SFXN1: variants seen among roughly 807,000 people sequenced by gnomAD.
SFXN1 encodes the protein sideroflexin 1, also known as sideroflexin-1.
SFXN1 carries 32 observed loss-of-function variants against 39.5 expected under a neutral mutation model. The ratio of observed to expected loss-of-function variants is 0.81; its 90% CI spans 0.61 to 1.09. The LOEUF is 1.09. SFXN1 is among the 50% of genes least tolerant of loss of function. The pLI, the probability that SFXN1 is intolerant of heterozygous loss-of-function variation, is 0.00. For synonymous variants in SFXN1, 136 were observed against 146.5 expected (o/e 0.93, Z 0.52); for missense variants, 402 against 407.1 (o/e 0.99, Z 0.11).
Position 175,510,111 on chromosome 5 carries a change from C to G in SFXN1, c.338C>G (p.Thr113Ser). The G allele has an allele frequency of 6.2e-7, 1 of 1,610,238 alleles. No homozygotes were observed. Among genetic ancestry groups the G allele is most frequent in the Non-Finnish European group, 8.5e-7 (1 of 1,178,082 alleles). ...TGTGACGGATGCCTCTGTTTTAGGA[C>G]TACGCCGGCTGTGCTGTTCTGGCAG... ...ITGCMMTFYR[T>S]TPAVLFWQWI... The change falls in exon 4 of 11, where the codon ACT (threonine) becomes AGT (serine). Residue 113 changes from threonine to serine, a missense_variant and splice_region_variant. Thr to Ser is a moderately conservative substitution (Grantham distance 58, BLOSUM62 1). Coordinates refer to ENST00000321442, the MANE Select transcript of SFXN1 (RefSeq NM_022754.7).
At chr5:175,499,026 G>C (rs1348968021) in intron 2 of SFXN1, among the ~76,000 whole-genome samples, 1 of 152,032 alleles carries the variant, frequency 6.6e-6, no homozygotes, top group East Asian at 1.9e-4. Context: ...AGGCTGAGGC[G>C]GGCAAATCAC....
chr5:175,498,787 A>C (rs906724037), intron 2 of SFXN1, among the ~76,000 whole-genome samples: 4 of 152,206 alleles, frequency 2.6e-5, no homozygotes, highest in African/African-American at 9.6e-5. Flanking sequence ...TATATAGGTT[A>C]CCAAAATTGA....
At chr5:175,489,396 T>TC (rs1355781835) in intron 1 of SFXN1, among the ~76,000 whole-genome samples, 4 of 152,176 alleles carry the variant, frequency 2.6e-5, no homozygotes, top group Non-Finnish European at 4.4e-5. Flanking sequence ...CTGCTTGAAT[T>TC]CCCCTGCACG....
At chr5:175,522,541 G>T in intron 10 of SFXN1, 119 bp downstream of exon 10, 1 of 983,096 alleles carries the variant, frequency 1.0e-6, no homozygotes, top group Non-Finnish European at 1.5e-6. Context: ...AGATACTGAA[G>T]CCAGGGTCTC....
intron 2 of SFXN1, among the ~76,000 whole-genome samples, chr5:175,505,571 A>AATAATAATAATAATT (rs1365757735): frequency 2.6e-4 from 35 of 135,722 alleles, no homozygotes; most frequent in Non-Finnish European, 4.2e-4. Flanking sequence ...TAATAATAAT[A>AATAATAATAATAATT]ATTCTAAGGT....
At position 175,485,793 on chromosome 5, in the gene SFXN1, G is replaced by A. The variant is rs13190606; in HGVS notation, c.-9-6302G>A. On this transcript the variant is annotated intron_variant, in intron 1 of 10. Coordinates refer to ENST00000321442, the MANE Select transcript of SFXN1 (RefSeq NM_022754.7). Reference sequence around the variant, plus strand: ...GGATTTCGGTGGGTTTAACTGGAGTGTGCAGATAAGTAGTTGGCGTCAAGA... The same window carrying A: ...GGATTTCGGTGGGTTTAACTGGAGTATGCAGATAAGTAGTTGGCGTCAAGA... Among the ~76,000 whole-genome samples the A allele has an allele frequency of 8.2e-3, 1,250 of 152,302 alleles. 10 individuals carry two copies. Among genetic ancestry groups the A allele is most frequent in the Middle Eastern group, 0.01 (3 of 294 alleles).
At chr5:175,513,894 T>A (rs909110449) in intron 7 of SFXN1, among the ~76,000 whole-genome samples, 30 of 151,536 alleles carry the variant, frequency 2.0e-4, no homozygotes, top group African/African-American at 7.3e-4. Context: ...GGCAGGAGTT[T>A]GCCTGGTGTG....
rs760390685 is a variant in SFXN1, at chr5:175,513,546, C to T, written c.680C>T (p.Thr227Met). 1.7e-5 allele frequency: 28 copies of T among 1,613,910 alleles called. No homozygotes were observed. Among genetic ancestry groups the T allele is most frequent in the East Asian group, 1.1e-4 (5 of 44,848 alleles). Residue 227 changes from threonine (T) to methionine (M), a missense_variant, in exon 7 of 11, where the codon ACG becomes ATG. Thr to Met is a moderately conservative substitution (Grantham distance 81). Transcript: ENST00000321442. ...GCGAACGCTGCGAAACAAGCCATCA[C>T]GCAAGTTGTCGTGTCCAGGATTCTC... ...ESANAAKQAI[T>M]QVVVSRILMA...
At chr5:175,493,750 A>G (rs1379190123) in intron 2 of SFXN1, among the ~76,000 whole-genome samples, 1 of 152,268 alleles carries the variant, frequency 6.6e-6, no homozygotes, top group African/African-American at 2.4e-5. Flanking sequence ...TACACGTAAG[A>G]AAAAGTACAA....
intron 2 of SFXN1, among the ~76,000 whole-genome samples, chr5:175,505,000 T>G (rs985053335): frequency 1.3e-5 from 2 of 152,126 alleles, no homozygotes; most frequent in African/African-American, 4.8e-5. Context: ...AGTACTGGGA[T>G]TACAGGCATG....
chr5:175,487,841 G>A (rs1299521970), intron 1 of SFXN1, among the ~76,000 whole-genome samples: 1 of 152,030 alleles, frequency 6.6e-6, no homozygotes, highest in Non-Finnish European at 1.5e-5. Context: ...TCCACCTCCA[G>A]TTTTTCCAAC....
chr5:175,517,876 C>T (rs1165138156), intron 8 of SFXN1, among the ~76,000 whole-genome samples: 1 of 152,116 alleles, frequency 6.6e-6, no homozygotes, highest in African/African-American at 2.4e-5. Flanking sequence ...GTTCCCACTG[C>T]CCCAGGGCCA....
rs180916544 is a variant in SFXN1, at chr5:175,526,944, T to C, written c.*210T>C. 250 of 559,348 alleles carry C rather than the reference T, an allele frequency of 4.5e-4. 3 individuals are homozygous for C. The highest frequency in any genetic ancestry group is 4.1e-3 in the African/African-American group (221 of 53,326). 34.6% of individuals were successfully genotyped at this position (559,348 alleles called of 1,614,324 possible). Reference sequence around the variant, plus strand: ...TCCCTTACACTGAATCATGTTATGATTTATAGAAATACCTTTCCTGTAGCT... The same window carrying C: ...TCCCTTACACTGAATCATGTTATGACTTATAGAAATACCTTTCCTGTAGCT... On this transcript the variant is annotated 3_prime_UTR_variant, in exon 11 of 11. Coordinates refer to ENST00000321442, the MANE Select transcript of SFXN1 (RefSeq NM_022754.7).
At chr5:175,480,253 T>C (rs1371784532) in intron 1 of SFXN1, among the ~76,000 whole-genome samples, 1 of 152,046 alleles carries the variant, frequency 6.6e-6, no homozygotes, top group Non-Finnish European at 1.5e-5. Context: ...TACAAAAAAT[T>C]AGCTGGGCGT....
intron 3 of SFXN1, chr5:175,509,414 T>C (rs1272483480): frequency 1.1e-5 from 4 of 366,456 alleles, no homozygotes; most frequent in Non-Finnish European, 1.4e-5. Flanking sequence ...AAAAATAAAA[T>C]TGAAGACAAT....
intron 10 of SFXN1, chr5:175,522,673 T>C: frequency 2.4e-6 from 1 of 423,154 alleles, no homozygotes; most frequent in African/African-American, 2.0e-5. Flanking sequence ...GAGAATCAGA[T>C]TAACTCTGAT....
At chr5:175,512,758 G>A (rs1387295909) in intron 6 of SFXN1, among the ~76,000 whole-genome samples, 1 of 152,128 alleles carries the variant, frequency 6.6e-6, no homozygotes, top group African/African-American at 2.4e-5. Flanking sequence ...ATATACAGTA[G>A]GGCCATGTGC....
chr5:175,509,157 T>C lies in SFXN1; in HGVS notation c.290T>C (p.Val97Ala). The stretch of plus-strand genomic sequence containing the variant: ...TTGATAGGAAGAATGTCAGCCCAGG[T>C]TCCCATGAACATGACCATCACAGGT... ...MILIGRMSAQ[V>A]PMNMTITGCM... is the part of the protein sequence containing the mutation. Residue 97 changes from valine to alanine, a missense_variant, in exon 3 of 11, where the codon GTT becomes GCT. Val to Ala is a moderately conservative substitution (Grantham distance 64, BLOSUM62 0). Transcript: ENST00000321442. 6.2e-7 allele frequency: 1 copy of C among 1,613,714 alleles called. No homozygotes were observed. The highest frequency in any genetic ancestry group is 8.5e-7 in the Non-Finnish European group (1 of 1,179,864).
At chr5:175,518,928 A>G (rs1426903711) in intron 8 of SFXN1, among the ~76,000 whole-genome samples, 8 of 152,218 alleles carry the variant, frequency 5.3e-5, no homozygotes, top group Admixed American at 2.6e-4. Context: ...TCTGTTCTTT[A>G]AAACTATACA....
Sources: gnomAD v4.1 joint callset for allele counts (sites outside exome capture counted in the v4.1 genomes callset) on GRCh38, gnomAD v4.1.1 for gene constraint, MANE v1.5 for transcripts, NCBI Gene and HGNC (gene_info 2026-07-23, HGNC 2026-07-21) for gene names.